The following RFX3 variants were observed in gnomAD, a reference collection of about 807,000 sequenced individuals.
The protein encoded by RFX3 is regulatory factor X3.
In RFX3, 14 loss-of-function variants were observed where a neutral mutation model predicts 98.6. The observed-to-expected ratio is 0.14, with a 90% CI of 0.09 to 0.22. The LOEUF (loss-of-function observed/expected upper bound fraction) is 0.22. Among genes scored for constraint, RFX3 ranks in the 10% least tolerant of loss-of-function variants. The pLI, the probability that RFX3 is intolerant of heterozygous loss-of-function variation, is 1.00. For missense variants in RFX3, 639 were observed against 926.9 expected, an observed-to-expected ratio of 0.69 and a Z score of 4.03; for synonymous variants, 383 against 328.4, an observed-to-expected ratio of 1.17 and a Z score of -1.80.
intron 2 of RFX3, among the ~76,000 whole-genome samples, chr9:3,366,703 T>TTTCTTTCTTC (rs796345714): frequency 8.5e-6 from 1 of 118,168 alleles, no homozygotes; most frequent in Non-Finnish European, 1.8e-5. Context: ...CCTTTCTTTC[T>TTTCTTTCTTC]TTCTTTCTTT....
At chr9:3,515,736 G>A (rs1818089742) in intron 1 of RFX3, among the ~76,000 whole-genome samples, 1 of 152,256 alleles carries the variant, frequency 6.6e-6, no homozygotes, top group East Asian at 1.9e-4. Context: ...GACTGAAGGG[G>A]ATGAGATATA....
chr9:3,218,737 T>A lies in RFX3; in HGVS notation c.*6305A>T, dbSNP rs555716248. On this transcript the variant is annotated 3_prime_UTR_variant, in exon 17 of 17. Transcript: ENST00000617270. ...CAAAAACTGGAAAAGAACATTACAT[T>A]ATCTCACACATACAATCTCTACAAA... The A allele has an allele frequency of 3.3e-5, 5 of 152,292 alleles. No individual in the cohort carries two copies. In the South Asian group the frequency reaches 8.3e-4, roughly 25 times the overall value. The allele number at this position is 152,292 out of a possible 1,614,324, so 9.4% of individuals were successfully genotyped here. A position where few individuals can be genotyped will look rare whatever the true frequency, so the allele number is the denominator to read the frequency against.
intron 2 of RFX3, among the ~76,000 whole-genome samples, chr9:3,365,185 A>G (rs999927296): frequency 6.6e-5 from 10 of 151,910 alleles, no homozygotes; most frequent in Non-Finnish European, 1.5e-4. Context: ...CTGTAGTCCC[A>G]GCTACTCAGG....
intron 14 of RFX3, among the ~76,000 whole-genome samples, chr9:3,256,053 G>A (rs901460169): frequency 1.3e-5 from 2 of 151,708 alleles, no homozygotes; most frequent in Admixed American, 6.6e-5. Flanking sequence ...TGCAAGCTCC[G>A]CCTTCCGGGT....
chr9:3,239,337 T>C (rs1310089498), intron 15 of RFX3, among the ~76,000 whole-genome samples: 1 of 152,224 alleles, frequency 6.6e-6, no homozygotes, highest in Non-Finnish European at 1.5e-5. Context: ...TTTCTATGTA[T>C]CTTTAAATAG....
intron 1 of RFX3, among the ~76,000 whole-genome samples, chr9:3,517,434 T>C (rs1818290374): frequency 6.6e-6 from 1 of 152,204 alleles, no homozygotes. Context: ...TAACACACTA[T>C]TATTTTGAGG....
chr9:3,240,079 C>G (rs749985869), intron 15 of RFX3, among the ~76,000 whole-genome samples: 28 of 152,212 alleles, frequency 1.8e-4, no homozygotes, highest in Non-Finnish European at 3.4e-4. Flanking sequence ...ATGAAGCAGT[C>G]TAGGGCCAGA....
chr9:3,485,158 A>C (rs1289462519), intron 1 of RFX3, among the ~76,000 whole-genome samples: 2 of 152,120 alleles, frequency 1.3e-5, no homozygotes, highest in Non-Finnish European at 2.9e-5. Context: ...AATAAAAATA[A>C]AAAACATACT....
At chr9:3,424,007 C>G (rs968019812) in intron 1 of RFX3, among the ~76,000 whole-genome samples, 1 of 151,218 alleles carries the variant, frequency 6.6e-6, no homozygotes. Context: ...ATTAGCCGGG[C>G]GTGGTGGCAG....
chr9:3,308,405 G>C (rs933897694), intron 4 of RFX3, among the ~76,000 whole-genome samples: 1 of 152,148 alleles, frequency 6.6e-6, no homozygotes, highest in Non-Finnish European at 1.5e-5. Flanking sequence ...ACTGCCTTTA[G>C]ACAGACTGCT....
intron 1 of RFX3, among the ~76,000 whole-genome samples, chr9:3,447,904 G>A (rs1846189114): frequency 1.3e-5 from 2 of 152,072 alleles, no homozygotes; most frequent in Non-Finnish European, 2.9e-5. Context: ...GATCTCTCAT[G>A]AACAATTTTA....
chr9:3,472,577 A>G (rs1407838915), intron 1 of RFX3, among the ~76,000 whole-genome samples: 1 of 152,210 alleles, frequency 6.6e-6, no homozygotes, highest in East Asian at 1.9e-4. Flanking sequence ...ATTCCAATAC[A>G]GAATCACAAT....
chr9:3,479,865 C>A (rs1042663256), intron 1 of RFX3, among the ~76,000 whole-genome samples: 1 of 152,110 alleles, frequency 6.6e-6, no homozygotes, highest in African/African-American at 2.4e-5. Flanking sequence ...AGACTCAGAA[C>A]AGAGATTGAG....
chr9:3,273,644 A>G (rs1452688992), intron 9 of RFX3, among the ~76,000 whole-genome samples: 1 of 152,072 alleles, frequency 6.6e-6, no homozygotes, highest in Non-Finnish European at 1.5e-5. Flanking sequence ...CGGGTGGATC[A>G]CTTCAGGTCA....
chr9:3,358,264 G>A (rs1304126893), intron 2 of RFX3, among the ~76,000 whole-genome samples: 1 of 152,006 alleles, frequency 6.6e-6, no homozygotes. Flanking sequence ...TTGAATAACT[G>A]GTAAAATTAT....
intron 16 of RFX3, among the ~76,000 whole-genome samples, chr9:3,227,090 T>C (rs1034836153): frequency 1.3e-5 from 2 of 152,160 alleles, no homozygotes; most frequent in African/African-American, 4.8e-5. Context: ...CGTGGCCACA[T>C]CCAGCAGGTG....
chr9:3,312,740 C>A (rs2130511220), intron 4 of RFX3, among the ~76,000 whole-genome samples: 1 of 152,294 alleles, frequency 6.6e-6, no homozygotes, highest in Middle Eastern at 3.4e-3. Context: ...CTCAGGGGGT[C>A]CCACGCCCAT....
At chr9:3,392,524 T>A (rs1025946089) in intron 2 of RFX3, among the ~76,000 whole-genome samples, 1 of 148,900 alleles carries the variant, frequency 6.7e-6, no homozygotes, top group Non-Finnish European at 1.5e-5. Context: ...GTCCGGAAAG[T>A]GAAAAAAACA....
At chr9:3,494,875 G>C (rs1006916514) in intron 1 of RFX3, among the ~76,000 whole-genome samples, 1 of 151,916 alleles carries the variant, frequency 6.6e-6, no homozygotes, top group Non-Finnish European at 1.5e-5. Context: ...AGGGCCTCCA[G>C]GGGTCTTCCA....
Sources: allele counts gnomAD v4.1 joint callset (sites outside exome capture counted in the v4.1 genomes callset), GRCh38; gene constraint gnomAD v4.1.1; transcripts MANE v1.5; gene names NCBI Gene and HGNC (gene_info 2026-07-23, HGNC 2026-07-21).